CHADL: variants seen among roughly 807,000 people sequenced by gnomAD.
The protein encoded by CHADL is chondroadherin like.
A neutral mutation model predicts 52.1 loss-of-function variants in CHADL; 48 were observed. That is an observed-to-expected ratio of 0.92 (90% CI 0.73 to 1.17). The LOEUF is 1.17. CHADL is among the 50% of genes most tolerant of loss of function. The probability of loss-of-function intolerance (pLI) is 0.00; values close to 1 mark genes in which losing one functional copy is unlikely to be tolerated. For missense variants in CHADL, 977 were observed against 1,035.1 expected, an observed-to-expected ratio of 0.94 and a Z score of 0.77; for synonymous variants, 498 against 511.2, an observed-to-expected ratio of 0.97 and a Z score of 0.35.
intron 4 of CHADL, among the ~76,000 whole-genome samples, chr22:41,235,978 TCTC>T (rs1209497973): frequency 6.6e-6 from 1 of 152,028 alleles, no homozygotes; most frequent in Non-Finnish European, 1.5e-5. Context: ...TTCAAGCAAT[TCTC>T]CTGCCTCAGC....
At chr22:41,232,705 T>C (rs1295997318) in intron 5 of CHADL, among the ~76,000 whole-genome samples, 1 of 152,172 alleles carries the variant, frequency 6.6e-6, no homozygotes, top group Non-Finnish European at 1.5e-5. Flanking sequence ...AAAGCCATCA[T>C]ACTGTGTGTA....
intron 4 of CHADL, among the ~76,000 whole-genome samples, chr22:41,235,645 G>A (rs1231756647): frequency 1.3e-5 from 2 of 152,150 alleles, no homozygotes; most frequent in African/African-American, 4.8e-5. Flanking sequence ...GTAAAAAGGG[G>A]ATAATAATAG....
chr22:41,238,703 A>T lies in CHADL; in HGVS notation c.369T>A (p.Arg123=), dbSNP rs1408985264. Residue 123 remains arginine, a synonymous_variant, in exon 3 of 6, where the codon CGT becomes CGA. Coordinates refer to ENST00000216241, the MANE Select transcript of CHADL (RefSeq NM_138481.2). The surrounding 1 kb of genome is among the most constrained non-coding windows in gnomAD (Gnocchi z 4.9). ...LLLNLASNHL[R]ELPQEALDGL... ...CGTCCAGCGCCTCCTGGGGCAGCTCACGCAGGTGGTTGGAGGCCAGGTTGA... is the reference window on the plus strand; with the variant it reads ...CGTCCAGCGCCTCCTGGGGCAGCTCTCGCAGGTGGTTGGAGGCCAGGTTGA... The T allele has an allele frequency of 1.2e-5, 18 of 1,547,090 alleles. No individual in the cohort carries two copies. In the East Asian group the frequency reaches 4.2e-4, roughly 36 times the overall value.
At chr22:41,234,948 T>C (rs537414168) in intron 5 of CHADL, among the ~76,000 whole-genome samples, 197 bp downstream of exon 5, 1 of 151,598 alleles carries the variant, frequency 6.6e-6, no homozygotes, top group Non-Finnish European at 1.5e-5. Flanking sequence ...CTCGGCCTCC[T>C]GAAGTGCTGG....
chr22:41,238,119 G>C lies in CHADL; in HGVS notation c.953C>G (p.Ala318Gly). The change falls in exon 3 of 6, where the codon GCG (alanine) becomes GGG (glycine). Residue 318 changes from alanine (A) to glycine (G), a missense_variant. By Grantham distance (60) the Ala-to-Gly change is moderately conservative (BLOSUM62 0). Transcript: ENST00000216241. The surrounding 1 kb of genome is among the most constrained non-coding windows in gnomAD (Gnocchi z 4.9). ...QGNPLWCGCQ[A>G]RPLLEWLARA... ...CGCCAGCCACTCGAGTAGGGGCCGC[G>C]CCTGGCAGCCGCACCACAGCGGATT... is the stretch of plus-strand genomic sequence containing the variant. 7.4e-7 allele frequency: 1 copy of C among 1,343,756 alleles called. No homozygotes were observed. The highest frequency in any genetic ancestry group is 9.5e-7 in the Non-Finnish European group (1 of 1,055,676). 83.2% of individuals were successfully genotyped at this position (1,343,756 alleles called of 1,614,324 possible).
intron 3 of CHADL, among the ~76,000 whole-genome samples, 179 bp from the exon 4 acceptor site, chr22:41,236,829 C>T (rs1359470964): frequency 2.6e-5 from 4 of 152,240 alleles, no homozygotes; most frequent in South Asian, 2.1e-4. Flanking sequence ...ACACTTGCTC[C>T]GTCCAAGTCA....
intron 5 of CHADL, chr22:41,231,198 A>G (rs193113784): frequency 6.6e-6 from 1 of 152,196 alleles, no homozygotes; most frequent in Non-Finnish European, 1.5e-5. Flanking sequence ...TGGAGGACAC[A>G]TCTAGCTGCC....
chr22:41,238,523 G>A lies in CHADL; in HGVS notation c.549C>T (p.Arg183=). The A allele has an allele frequency of 6.5e-7, 1 of 1,543,804 alleles. No individual in the cohort carries two copies. ...TGTGCGACAGCCGCAGCCAGCGGACGCGCAGTAGCCCCTGGAAGGCCATGG... is the reference window on the plus strand; with the variant it reads ...TGTGCGACAGCCGCAGCCAGCGGACACGCAGTAGCCCCTGGAAGGCCATGG... ...LPAMAFQGLL[R]VRWLRLSHNA... Residue 183 remains arginine (R), a synonymous_variant, in exon 3 of 6, where the codon CGC becomes CGT. Coordinates refer to ENST00000216241, the MANE Select transcript of CHADL (RefSeq NM_138481.2). This position sits in a 1 kb window ranked among gnomAD's most constrained non-coding sequence, Gnocchi z 4.9.
chr22:41,240,918 C>G lies in CHADL; in HGVS notation c.-37G>C, dbSNP rs377726225. 1 of 1,544,406 alleles carries G rather than the reference C, an allele frequency of 6.5e-7. No homozygotes were observed. ...CTGCTGGTCCAGCCTGGAGGCGCAG[C>G]GCAGGGACAGGCTGTCCCCGCCTGG... On this transcript the variant is annotated 5_prime_UTR_variant, in exon 1 of 6. Coordinates refer to ENST00000216241, the MANE Select transcript of CHADL (RefSeq NM_138481.2).
intron 5 of CHADL, among the ~76,000 whole-genome samples, chr22:41,231,993 T>TG (rs751373355): frequency 6.6e-6 from 1 of 152,064 alleles, no homozygotes; most frequent in Non-Finnish European, 1.5e-5. Context: ...GCAGTACTGA[T>TG]GGGAAAAAAG....
At chr22:41,235,924 T>C (rs1302190214) in intron 4 of CHADL, among the ~76,000 whole-genome samples, 2 of 151,836 alleles carry the variant, frequency 1.3e-5, no homozygotes, top group Non-Finnish European at 2.9e-5. Flanking sequence ...CAGGCTGGAG[T>C]GAAGTGGCGC....
chr22:41,235,013 G>GC, intron 5 of CHADL, 132 bp downstream of exon 5: 2 of 915,406 alleles, frequency 2.2e-6, no homozygotes, highest in South Asian at 3.2e-5. Flanking sequence ...TTGAACTGAC[G>GC]CAACTGGGTC....
At chr22:41,239,421 C>T (rs139495) in intron 2 of CHADL, 22 bp downstream of exon 2, 411,717 of 1,546,996 alleles carry the variant, frequency 0.27, 58,060 homozygotes, top group African/African-American at 0.31. Context: ...CCACTCTGTG[C>T]CTGTGCTCCT....
chr22:41,231,543 C>T (rs1446286898), intron 5 of CHADL, among the ~76,000 whole-genome samples: 1 of 152,246 alleles, frequency 6.6e-6, no homozygotes, highest in East Asian at 1.9e-4. Flanking sequence ...ATAAAGTTGG[C>T]TTGTGTGTGT....
In CHADL at chr22:41,238,189, G is replaced by C. The variant is rs1239554078; in HGVS notation, c.883C>G (p.Pro295Ala). ...LRGNQLDTLP[P>A]LQGPGQLRRL... is the part of the protein sequence containing the mutation. Reference sequence around the variant, plus strand: ...CGCAGCTGGCCCGGGCCCTGCAGCGGGGGCAGGGTGTCTAGCTGGTTCCCG... The same window carrying C: ...CGCAGCTGGCCCGGGCCCTGCAGCGCGGGCAGGGTGTCTAGCTGGTTCCCG... The change falls in exon 3 of 6, where the codon CCG becomes GCG. Residue 295 changes from proline to alanine, a missense_variant. Pro to Ala is a conservative substitution (Grantham distance 27). Coordinates refer to ENST00000216241, the MANE Select transcript of CHADL (RefSeq NM_138481.2). This position sits in a 1 kb window ranked among gnomAD's most constrained non-coding sequence, Gnocchi z 4.9. 6.6e-7 allele frequency: 1 copy of C among 1,511,056 alleles called. No homozygotes were observed. The highest frequency in any genetic ancestry group is 2.6e-5 in the East Asian group (1 of 38,068). 93.6% of individuals were successfully genotyped at this position (1,511,056 alleles called of 1,614,324 possible).
rs1012172546 is a variant in CHADL at position 41,237,900 on chromosome 22, C to T, written c.1172G>A (p.Arg391Gln). Residue 391 changes from arginine to glutamine, a missense_variant, in exon 3 of 6, where the codon CGG (arginine) becomes CAG (glutamine). Physicochemically the swap from Arg to Gln is conservative, Grantham distance 43. Coordinates refer to ENST00000216241, the MANE Select transcript of CHADL (RefSeq NM_138481.2). The part of the protein sequence containing the change: ...RGPPRGPGEE[R>Q]AVAPCPRACV... ...GGCGCGAGGGCAAGGCGCGACTGCC[C>T]GCTCCTCCCCGGGGCCGCGCGGAGG... is the stretch of plus-strand genomic sequence containing the variant. The T allele has an allele frequency of 2.2e-6, 3 of 1,344,764 alleles. No individual in the cohort carries two copies. Among genetic ancestry groups the T allele is most frequent in the Non-Finnish European group, 2.8e-6 (3 of 1,054,460 alleles). 83.3% of individuals were successfully genotyped at this position (1,344,764 alleles called of 1,614,324 possible).
intron 1 of CHADL, among the ~76,000 whole-genome samples, chr22:41,240,427 C>T (rs2032839987): frequency 6.6e-6 from 1 of 152,188 alleles, no homozygotes; most frequent in African/African-American, 2.4e-5. Context: ...CATGGCCTCT[C>T]CCCCATCGCT....
rs1034939238 is a variant in CHADL, at chr22:41,235,173, A to G, written c.2234T>C (p.Ile745Thr). Residue 745 changes from isoleucine (I) to threonine (T), a missense_variant, in exon 5 of 6, where the codon ATC becomes ACC. Physicochemically the swap from Ile to Thr is moderately conservative, Grantham distance 89 (BLOSUM62 -1). Coordinates refer to ENST00000216241, the MANE Select transcript of CHADL (RefSeq NM_138481.2). ...ASRPSARRTPIKGRQCGADKV... is the reference protein window; with the variant it reads ...ASRPSARRTPTKGRQCGADKV... ...ATCTGCTCCACACTGTCTTCCTTTG[A>G]TGGGGGTTCTCCTGGCACTGGGCCT... 2 of 1,551,278 alleles carry G rather than the reference A, an allele frequency of 1.3e-6. No homozygotes were observed. Among genetic ancestry groups the G allele is most frequent in the African/African-American group, 1.4e-5 (1 of 73,002 alleles).
chr22:41,235,689 C>A (rs2032727533), intron 4 of CHADL, among the ~76,000 whole-genome samples: 1 of 152,174 alleles, frequency 6.6e-6, no homozygotes, highest in African/African-American at 2.4e-5. Context: ...TACAACGTAG[C>A]AGACACTGTT....
Sources: gnomAD v4.1 joint callset for allele counts (sites outside exome capture counted in the v4.1 genomes callset) on GRCh38, gnomAD v4.1.1 for gene constraint, Gnocchi (gnomAD v3.1) non-coding constraint, MANE v1.5 for transcripts, NCBI Gene and HGNC (gene_info 2026-07-23, HGNC 2026-07-21) for gene names.